The following KLHL5 variants were observed in gnomAD, a reference collection of about 807,000 sequenced individuals.
KLHL5 encodes kelch-like protein 5.
In KLHL5, 48 loss-of-function variants were observed where a neutral mutation model predicts 77.7. That is an observed-to-expected ratio of 0.62 (90% confidence interval 0.49 to 0.79). The LOEUF is 0.79. Ranked by LOEUF, KLHL5 falls within the 30% of genes least tolerant of loss-of-function variation. The probability of loss-of-function intolerance (pLI) is 0.00; values close to 1 mark genes in which losing one functional copy is unlikely to be tolerated. For missense variants in KLHL5, 723 were observed against 859.7 expected (o/e 0.84, Z 1.99); for synonymous variants, 260 against 297.0 (o/e 0.88, Z 1.28).
intron 8 of KLHL5, among the ~76,000 whole-genome samples, chr4:39,110,149 C>T (rs1000976516): frequency 1.3e-5 from 2 of 152,122 alleles, no homozygotes; most frequent in African/African-American, 4.8e-5. Context: ...TTATTTTAAA[C>T]TTATTTAAAA....
intron 8 of KLHL5, among the ~76,000 whole-genome samples, chr4:39,108,749 G>T (rs1722226896): frequency 6.6e-6 from 1 of 151,894 alleles, no homozygotes; most frequent in Non-Finnish European, 1.5e-5. Context: ...TCTAGTAAAT[G>T]AGAAAAAAAG....
chr4:39,048,548 TG>T (rs1292492846), intron 1 of KLHL5, among the ~76,000 whole-genome samples: 1 of 151,616 alleles, frequency 6.6e-6, no homozygotes, highest in Admixed American at 6.6e-5. Flanking sequence ...CCATTACAAA[TG>T]GTCAGTCTCA....
intron 8 of KLHL5, 74 bp from the exon 9 acceptor site, chr4:39,112,946 A>C: frequency 1.5e-6 from 2 of 1,306,032 alleles, no homozygotes; most frequent in South Asian, 1.3e-5. Context: ...TGAGATAACA[A>C]CATAAGAAGA....
chr4:39,105,467 AT>A (rs1267058044), intron 7 of KLHL5, among the ~76,000 whole-genome samples: 1 of 151,884 alleles, frequency 6.6e-6, no homozygotes, highest in Admixed American at 6.6e-5. Flanking sequence ...TTTCAAAGTC[AT>A]TTTTTAATGG....
At chr4:39,103,908 G>A (rs140810366) in intron 7 of KLHL5, among the ~76,000 whole-genome samples, 134 of 149,472 alleles carry the variant, frequency 9.0e-4, no homozygotes, top group African/African-American at 3.0e-3. Flanking sequence ...ATTTGAGCCT[G>A]GGAGGTCAAG....
At chr4:39,061,447 G>T (rs1236466376), upstream of KLHL5, among the ~76,000 whole-genome samples, 1 of 152,082 alleles carries the variant, frequency 6.6e-6, no homozygotes, top group Non-Finnish European at 1.5e-5. Flanking sequence ...CAAATATTTT[G>T]TATTTGGTTC....
rs780859900 is a variant in KLHL5, at chr4:39,113,268, GAT to G, written c.1901+44_1901+45del. The G allele has an allele frequency of 3.9e-6, 6 of 1,525,358 alleles. No homozygotes were observed. In the South Asian group the frequency reaches 5.7e-5, roughly 14 times the overall value. The allele number at this position is 1,525,358 out of a possible 1,614,324, so 94.5% of individuals were successfully genotyped here. ...GGGAAGAAAAACTAGGAACAAAAAA[GAT>G]ATATATAAGTCTCTGATACTTACAT... On this transcript the variant is annotated intron_variant, in intron 9 of 10. Transcript: ENST00000504108.
chr4:39,096,628 T>C, intron 5 of KLHL5, 64 bp from the exon 6 acceptor site: 1 of 1,165,924 alleles, frequency 8.6e-7, no homozygotes, highest in Non-Finnish European at 1.2e-6. Flanking sequence ...ACTATGTCAT[T>C]TTTTTCTGTA....
At chr4:39,068,557 A>C (rs1718117483) in intron 1 of KLHL5, among the ~76,000 whole-genome samples, 1 of 152,064 alleles carries the variant, frequency 6.6e-6, no homozygotes, top group Non-Finnish European at 1.5e-5. Context: ...TAAGCAACTG[A>C]AGTTGACTGG....
chr4:39,081,276 A>G lies in KLHL5; in HGVS notation c.703+37A>G. 1.3e-6 allele frequency: 2 copies of G among 1,533,980 alleles called. No individual in the cohort carries two copies. Among genetic ancestry groups the G allele is most frequent in the Non-Finnish European group, 1.8e-6 (2 of 1,135,668 alleles). On this transcript the variant is annotated intron_variant, in intron 3 of 10. Coordinates refer to ENST00000504108, the MANE Select transcript of KLHL5 (RefSeq NM_015990.5). The surrounding 1 kb of genome is among the most constrained non-coding windows in gnomAD (Gnocchi z 4.3). ...GAAAATGTAAATTAAAACCTCTTAG[A>G]TTTATGTTGTATTATTAGATTTCAG...
At chr4:39,112,492 C>T (rs1312054047) in intron 8 of KLHL5, among the ~76,000 whole-genome samples, 3 of 152,170 alleles carry the variant, frequency 2.0e-5, no homozygotes, top group Non-Finnish European at 4.4e-5. Context: ...CTGTGCAAGT[C>T]TCTTACTCTC....
At chr4:39,106,149 T>C (rs140409824) in intron 7 of KLHL5, among the ~76,000 whole-genome samples, 1,645 of 152,170 alleles carry the variant, frequency 0.011, 14 homozygotes, top group South Asian at 0.021. Flanking sequence ...ATCTCTTACA[T>C]TTCCCCCTCA....
chr4:39,111,366 G>T (rs1722446148), intron 8 of KLHL5, among the ~76,000 whole-genome samples: 1 of 152,178 alleles, frequency 6.6e-6, no homozygotes, highest in Non-Finnish European at 1.5e-5. Context: ...GGTAGAACCA[G>T]AATGCAAACC....
chr4:39,092,026 T>C (rs967921700), intron 5 of KLHL5, among the ~76,000 whole-genome samples: 5 of 152,008 alleles, frequency 3.3e-5, no homozygotes, highest in African/African-American at 1.2e-4. Flanking sequence ...AATAAATTAT[T>C]CACATTCTAT....
chr4:39,045,043 C>A lies in KLHL5; in HGVS notation c.-148C>A, dbSNP rs1269788384. 5 of 993,136 alleles carry A rather than the reference C, an allele frequency of 5.0e-6. No homozygotes were observed. In the South Asian group the frequency reaches 1.8e-4, roughly 35 times the overall value. 61.5% of individuals were successfully genotyped at this position (993,136 alleles called of 1,614,324 possible). On this transcript the variant is annotated 5_prime_UTR_variant, in exon 1 of 12. Transcript: ENST00000261425. The stretch of plus-strand genomic sequence containing the variant: ...CGGCCCCCGCCTCCCCCGCTCCTCC[C>A]GCCTGGCCGCCCCGGCCCGCCGTGA...
chr4:39,094,175 G>A (rs571630665), intron 5 of KLHL5, among the ~76,000 whole-genome samples: 6 of 152,064 alleles, frequency 3.9e-5, no homozygotes, highest in African/African-American at 7.2e-5. Context: ...TGCATAACAC[G>A]TAGAGTTTAA....
chr4:39,097,811 G>A (rs1469102884), intron 6 of KLHL5, among the ~76,000 whole-genome samples: 2 of 152,164 alleles, frequency 1.3e-5, no homozygotes, highest in African/African-American at 4.8e-5. Flanking sequence ...AACAAGGTCT[G>A]TAGATTAGAT....
intron 1 of KLHL5, chr4:39,045,236 G>A: frequency 1.1e-6 from 1 of 916,702 alleles, no homozygotes; most frequent in African/African-American, 1.8e-5. Flanking sequence ...CCCGGAGGCG[G>A]CTGCGAGGCC....
chr4:39,081,834 C>T lies in KLHL5; in HGVS notation c.704-129C>T. 1.7e-6 allele frequency: 1 copy of T among 596,396 alleles called. No homozygotes were observed. The highest frequency in any genetic ancestry group is 3.7e-5 in the Admixed American group (1 of 27,204). The allele number at this position is 596,396 out of a possible 1,614,324, so 36.9% of individuals were successfully genotyped here. ...AGTCCTTCTTTTCTTTTTGGGATGT[C>T]TTAAACCATGTAGGTCTGTAATGCA... On this transcript the variant is annotated intron_variant, in intron 3 of 10. Coordinates refer to ENST00000504108, the MANE Select transcript of KLHL5 (RefSeq NM_015990.5). This position sits in a 1 kb window ranked among gnomAD's most constrained non-coding sequence, Gnocchi z 4.3.
Sources: allele counts gnomAD v4.1 joint callset (sites outside exome capture counted in the v4.1 genomes callset), GRCh38; gene constraint gnomAD v4.1.1; non-coding constraint Gnocchi (gnomAD v3.1); transcripts MANE v1.5; gene names NCBI Gene and HGNC (gene_info 2026-07-23, HGNC 2026-07-21).